The following TNS3 variants were observed in gnomAD, a reference collection of about 807,000 sequenced individuals.
TNS3 encodes the protein tensin-3.
In TNS3, 45 loss-of-function variants were observed where a neutral mutation model predicts 140.9. The ratio of observed to expected loss-of-function variants is 0.32; its 90% CI spans 0.25 to 0.41. The LOEUF (loss-of-function observed/expected upper bound fraction) is 0.41, where lower values mean the gene tolerates loss of function less well. Ranked by LOEUF, TNS3 falls within the 10% of genes least tolerant of loss-of-function variation. The pLI is 1.00. For missense variants in TNS3, 1,716 were observed against 1,906.7 expected (o/e 0.90, Z 1.86); for synonymous variants, 815 against 788.4 (o/e 1.03, Z -0.56).
chr7:47,348,888 C>T (rs1050464957), intron 17 of TNS3, among the ~76,000 whole-genome samples: 1 of 152,192 alleles, frequency 6.6e-6, no homozygotes. Context: ...TAACAGGGTC[C>T]GAAAAGGAAT....
chr7:47,389,796 T>C (rs1247609888), intron 16 of TNS3, among the ~76,000 whole-genome samples: 2 of 152,232 alleles, frequency 1.3e-5, no homozygotes, highest in Non-Finnish European at 2.9e-5. Context: ...GGTCCTTTGG[T>C]GTTTGTGGGT....
At chr7:47,564,908 G>A (rs1411352863) in intron 1 of TNS3, among the ~76,000 whole-genome samples, 6 of 151,516 alleles carry the variant, frequency 4.0e-5, no homozygotes, top group African/African-American at 1.2e-4. Flanking sequence ...ACATTCACAC[G>A]TGGCTACCTA....
chr7:47,331,455 C>T (rs894990663), intron 20 of TNS3, among the ~76,000 whole-genome samples: 6 of 152,152 alleles, frequency 3.9e-5, no homozygotes, highest in Non-Finnish European at 7.3e-5. Flanking sequence ...CCCTCCACAA[C>T]CTCAGCGACA....
intron 8 of TNS3, among the ~76,000 whole-genome samples, chr7:47,433,803 C>G (rs987879860): frequency 6.6e-5 from 10 of 152,112 alleles, no homozygotes; most frequent in Non-Finnish European, 2.9e-5. Flanking sequence ...CTCACTGTGT[C>G]AAAATCACCA....
chr7:47,388,881 A>G (rs1792228452), intron 16 of TNS3, among the ~76,000 whole-genome samples: 2 of 127,146 alleles, frequency 1.6e-5, no homozygotes, highest in Admixed American at 1.8e-4. Flanking sequence ...AAAGAAAAAA[A>G]AGAAAAAGAA....
intron 20 of TNS3, among the ~76,000 whole-genome samples, chr7:47,311,416 G>A (rs1584374156): frequency 6.7e-6 from 1 of 149,558 alleles, no homozygotes; most frequent in South Asian, 2.1e-4. Flanking sequence ...GTGTGTGTGT[G>A]TGTGTGTGTG....
At chr7:47,432,421 C>T (rs1374232240) in intron 8 of TNS3, among the ~76,000 whole-genome samples, 1 of 152,126 alleles carries the variant, frequency 6.6e-6, no homozygotes, top group Non-Finnish European at 1.5e-5. Context: ...AGACGCAGCC[C>T]CTTGAGCTTG....
chr7:47,366,324 C>T (rs1000748763), intron 17 of TNS3, among the ~76,000 whole-genome samples: 2 of 152,252 alleles, frequency 1.3e-5, no homozygotes, highest in South Asian at 4.2e-4. Flanking sequence ...TCTCCAGGCT[C>T]CTTCCAACTC....
chr7:47,456,480 A>C (rs1184329282), intron 4 of TNS3, among the ~76,000 whole-genome samples: 2 of 152,178 alleles, frequency 1.3e-5, no homozygotes, highest in East Asian at 3.8e-4. Context: ...AAGTAAGGTA[A>C]GCATGCAAAG....
intron 1 of TNS3, among the ~76,000 whole-genome samples, chr7:47,570,745 C>G (rs1800533040): frequency 2.0e-5 from 3 of 152,230 alleles, no homozygotes; most frequent in African/African-American, 7.2e-5. Flanking sequence ...GGAATGGAGG[C>G]TCTGAGTGAT....
intron 9 of TNS3, among the ~76,000 whole-genome samples, chr7:47,426,538 C>T (rs1794659620): frequency 6.6e-6 from 1 of 152,096 alleles, no homozygotes. Context: ...ACCTGAGTAC[C>T]GATGCTGTTC....
rs202107576 is a variant in TNS3, at chr7:47,389,131, A to AGCG, written c.1024+7668_1024+7669insCGC. 3.5e-3 allele frequency among the ~76,000 whole-genome samples: 52 copies of AGCG among 15,006 alleles called. 10 individuals are homozygous for AGCG. The highest frequency in any genetic ancestry group is 7.0e-3 in the East Asian group (2 of 286). The allele number at this position is 15,006 out of a possible 152,430, so 9.8% of individuals were successfully genotyped here. A position where few individuals can be genotyped will look rare whatever the true frequency, so the allele number is the denominator to read the frequency against. ...AAGCAGAAGAAGAAGAAGAAGAAGAAGAAGAAGAAGAAGAAGAAGAAGAAG... is the reference window on the plus strand; with the variant it reads ...AAGCAGAAGAAGAAGAAGAAGAAGAAGCGGAAGAAGAAGAAGAAGAAGAAGAAG... On this transcript the variant is annotated intron_variant, in intron 16 of 30. Coordinates refer to ENST00000311160, the MANE Select transcript of TNS3 (RefSeq NM_022748.12).
At chr7:47,514,487 GAACAACCC>G (rs1329578923) in intron 2 of TNS3, among the ~76,000 whole-genome samples, 1 of 152,100 alleles carries the variant, frequency 6.6e-6, no homozygotes, top group Non-Finnish European at 1.5e-5. Context: ...TAACTGCGTG[GAACAACCC>G]ATTACCAAAT....
chr7:47,569,306 G>A (rs1198127237), intron 1 of TNS3, among the ~76,000 whole-genome samples: 2 of 152,230 alleles, frequency 1.3e-5, no homozygotes, highest in Admixed American at 6.5e-5. Context: ...ACTTTGGGAG[G>A]CCGAGGAGGG....
At chr7:47,383,341 G>C (rs1252230422) in intron 16 of TNS3, among the ~76,000 whole-genome samples, 1 of 152,152 alleles carries the variant, frequency 6.6e-6, no homozygotes, top group Non-Finnish European at 1.5e-5. Flanking sequence ...GTCCGGAATG[G>C]GAAACAGAGA....
intron 17 of TNS3, among the ~76,000 whole-genome samples, chr7:47,349,276 C>CA (rs1305554039): frequency 2.0e-5 from 3 of 152,060 alleles, no homozygotes; most frequent in African/African-American, 4.8e-5. Context: ...AAAAAAGTCT[C>CA]AAAAAAAATG....
In TNS3 at chr7:47,441,998, C is replaced by A; in HGVS notation, c.-23+5G>T. On this transcript the variant is annotated splice_donor_5th_base_variant and intron_variant, in intron 5 of 30. Transcript: ENST00000311160. ...CAGGAATGCATGACCCACACAGACA[C>A]TCACCGCAGAGGTTTATCACGGCAG... 1.5e-6 allele frequency: 2 copies of A among 1,290,398 alleles called. No homozygotes were observed. The highest frequency in any genetic ancestry group is 2.0e-6 in the Non-Finnish European group (2 of 988,966). 79.9% of individuals were successfully genotyped at this position (1,290,398 alleles called of 1,614,324 possible). A position where few individuals can be genotyped will look rare whatever the true frequency, so the allele number is the denominator to read the frequency against.
chr7:47,283,889 A>G, intron 27 of TNS3, 24 bp from the exon 28 acceptor site: 1 of 1,546,574 alleles, frequency 6.5e-7, no homozygotes, highest in Admixed American at 2.0e-5. Flanking sequence ...AGGGAGACAC[A>G]TGTTAGTTGC....
intron 8 of TNS3, among the ~76,000 whole-genome samples, chr7:47,433,719 G>A (rs767353327): frequency 4.6e-5 from 7 of 152,172 alleles, no homozygotes; most frequent in Non-Finnish European, 1.0e-4. Flanking sequence ...CTGGGCCCAG[G>A]CTCACAGCTC....
Sources: gnomAD v4.1 joint callset for allele counts (sites outside exome capture counted in the v4.1 genomes callset) on GRCh38, gnomAD v4.1.1 for gene constraint, MANE v1.5 for transcripts, NCBI Gene and HGNC (gene_info 2026-07-23, HGNC 2026-07-21) for gene names.